Variants in DMD observed in about 807,000 individuals in gnomAD.
The protein encoded by DMD is mutant dystrophin.
A neutral mutation model predicts 330.1 loss-of-function variants in DMD; 63 were observed. That is an observed-to-expected ratio of 0.19 (90% CI 0.16 to 0.24). The LOEUF is 0.24. Among genes scored for constraint, DMD ranks in the 10% least tolerant of loss-of-function variants. The pLI, the probability that DMD is intolerant of heterozygous loss-of-function variation, is 1.00. For missense variants in DMD, 3,344 were observed against 2,684.1 expected (o/e 1.25, Z -5.43); for synonymous variants, 1,223 against 959.8 (o/e 1.27, Z -5.07).
At chrX:32,254,869 T>C (rs962404599) in intron 43 of DMD, among the ~76,000 whole-genome samples, 4 of 111,923 alleles carry the variant, frequency 3.6e-5, no homozygotes, top group Non-Finnish European at 7.5e-5. Context: ...ATTTCAACCA[T>C]TGTAAGTGTA....
In DMD at chrX:33,129,524, C is replaced by CAA. The variant is rs59729782; in HGVS notation, c.31+81756_31+81757dup. On this transcript the variant is annotated intron_variant, in intron 1 of 78. Coordinates refer to ENST00000357033, the MANE Select transcript of DMD (RefSeq NM_004006.3). ...AGCCACAATTTTACAAGGTTTCAAA[C>CAA]AAAAAAAAAAACCCACACCTTGTTT... Among the ~76,000 whole-genome samples, 800 of 101,496 alleles carry CAA rather than the reference C, an allele frequency of 7.9e-3. 8 individuals carry two copies. The highest frequency in any genetic ancestry group is 0.027 in the African/African-American group (740 of 27,625). 88.1% of individuals were successfully genotyped at this position (101,496 alleles called of 115,157 possible).
chrX:32,951,296 TG>T (rs1193742737), intron 2 of DMD, among the ~76,000 whole-genome samples: 1 of 111,703 alleles, frequency 9.0e-6, no homozygotes, highest in Non-Finnish European at 1.9e-5. Context: ...GCTTTATATT[TG>T]ACAGTTATTT....
chrX:32,615,108 A>G (rs1403374350), intron 11 of DMD, among the ~76,000 whole-genome samples: 1 of 110,838 alleles, frequency 9.0e-6, no homozygotes, highest in African/African-American at 3.3e-5. Flanking sequence ...CCAAGGGGTG[A>G]CCCCCAGCTA....
intron 52 of DMD, among the ~76,000 whole-genome samples, chrX:31,689,842 C>T (rs1173729766): frequency 1.8e-5 from 2 of 111,581 alleles, no homozygotes; most frequent in Non-Finnish European, 3.8e-5. Context: ...TGATCTTTGA[C>T]AAACCTGACA....
At chrX:33,044,390 C>T (rs1230873895) in intron 1 of DMD, among the ~76,000 whole-genome samples, 2 of 111,550 alleles carry the variant, frequency 1.8e-5, no homozygotes, top group Non-Finnish European at 1.9e-5. Flanking sequence ...TGAGATCGCA[C>T]CACTGTACTC....
chrX:32,315,514 T>TA (rs200093370), intron 41 of DMD, among the ~76,000 whole-genome samples: 1,424 of 101,627 alleles, frequency 0.014, 21 homozygotes, highest in African/African-American at 0.042. Flanking sequence ...TAAGTATAAT[T>TA]AAAAAAAAAA....
intron 9 of DMD, among the ~76,000 whole-genome samples, chrX:32,689,228 G>T (rs971752431): frequency 9.1e-6 from 1 of 109,672 alleles, no homozygotes. Flanking sequence ...AAAACCTCTA[G>T]GTTTTTGGAC....
chrX:31,456,733 T>A (rs1603067413), intron 59 of DMD, among the ~76,000 whole-genome samples: 1 of 110,359 alleles, frequency 9.1e-6, no homozygotes, highest in African/African-American at 3.3e-5. Context: ...AGAATGAAGA[T>A]GTCCACAAAA....
chrX:32,225,201 T>C (rs1222051048), intron 43 of DMD, among the ~76,000 whole-genome samples: 1 of 112,218 alleles, frequency 8.9e-6, no homozygotes, highest in Non-Finnish European at 1.9e-5. Context: ...AGAACAAATA[T>C]TTCAGGCTTT....
chrX:32,992,413 C>A lies in DMD; in HGVS notation c.93+27726G>T, dbSNP rs376188143. Reference sequence around the variant, plus strand: ...TAAAGTCTACATGCCTAATTTTAATCATTTTGATTGTATAATCAACTTCCC... The same window carrying A: ...TAAAGTCTACATGCCTAATTTTAATAATTTTGATTGTATAATCAACTTCCC... On this transcript the variant is annotated intron_variant, in intron 2 of 78. Transcript: ENST00000357033. Among the ~76,000 whole-genome samples, 16 of 111,429 alleles carry A rather than the reference C, an allele frequency of 1.4e-4. No individual in the cohort carries two copies. The East Asian group carries it at 4.0e-3, about 28-fold the overall frequency.
chrX:32,841,797 T>C (rs2080182696), intron 4 of DMD, among the ~76,000 whole-genome samples: 1 of 112,007 alleles, frequency 8.9e-6, no homozygotes, highest in Non-Finnish European at 1.9e-5. Flanking sequence ...CCAGTATTTC[T>C]TCAACAGGTC....
At chrX:32,887,499 C>T (rs1252276875) in intron 2 of DMD, among the ~76,000 whole-genome samples, 1 of 108,809 alleles carries the variant, frequency 9.2e-6, no homozygotes. Context: ...CCTGTAATCC[C>T]AGTACTTTGG....
At position 32,014,351 on chromosome X, in the gene DMD, T is replaced by C. The variant is rs1421582907; in HGVS notation, c.6439-45837A>G. Among the ~76,000 whole-genome samples the C allele has an allele frequency of 3.6e-5, 4 of 111,487 alleles. No homozygotes were observed. In the East Asian group the frequency reaches 1.1e-3, roughly 31 times the overall value. ...TAATACTTTAGGTGATATGTATGAT[T>C]GTATGATACATAATAGGTTTTTAGC... On this transcript the variant is annotated intron_variant, in intron 44 of 78. Transcript: ENST00000357033.
At position 32,610,217 on chromosome X, in the gene DMD, C is replaced by G. The variant is rs147165434; in HGVS notation, c.1482+4086G>C. Among the ~76,000 whole-genome samples the G allele has an allele frequency of 3.2e-4, 36 of 111,208 alleles. 1 individual carries two copies. In the East Asian group the frequency reaches 1.0e-2, roughly 31 times the overall value. On this transcript the variant is annotated intron_variant, in intron 12 of 78. Coordinates refer to ENST00000357033, the MANE Select transcript of DMD (RefSeq NM_004006.3). ...TGTTTACTCCCCAGAAAGACTCACT[C>G]TTGGGTGCCTCAAAGCTAAAGCAAA...
chrX:32,898,849 T>G (rs1311485386), intron 2 of DMD, among the ~76,000 whole-genome samples: 5 of 111,640 alleles, frequency 4.5e-5, no homozygotes, highest in African/African-American at 1.6e-4. Context: ...AAATAAGTCC[T>G]GCCCAACTCC....
At chrX:31,122,891 C>CT (rs2032950581) in intron 78 of DMD, among the ~76,000 whole-genome samples, 1 of 111,694 alleles carries the variant, frequency 9.0e-6, no homozygotes, top group South Asian at 3.7e-4. Flanking sequence ...TACTTTATGG[C>CT]TTGCCTTTTC....
chrX:32,278,351 T>C (rs1268638006), intron 43 of DMD, among the ~76,000 whole-genome samples: 1 of 111,306 alleles, frequency 9.0e-6, no homozygotes, highest in Non-Finnish European at 1.9e-5. Flanking sequence ...TGGGACCCGA[T>C]GGCTGCACTG....
intron 55 of DMD, among the ~76,000 whole-genome samples, chrX:31,518,508 A>G (rs2072459835): frequency 9.0e-6 from 1 of 111,490 alleles, no homozygotes; most frequent in Non-Finnish European, 1.9e-5. Flanking sequence ...CCACATATGA[A>G]AAGTCTACAA....
intron 1 of DMD, among the ~76,000 whole-genome samples, chrX:33,066,942 A>C (rs962976795): frequency 1.8e-5 from 2 of 112,019 alleles, no homozygotes; most frequent in Non-Finnish European, 3.8e-5. Flanking sequence ...TCACGGAGTA[A>C]ATTATTTTCA....
Sources: allele counts gnomAD v4.1 joint callset (sites outside exome capture counted in the v4.1 genomes callset), GRCh38; gene constraint gnomAD v4.1.1; transcripts MANE v1.5; gene names NCBI Gene and HGNC (gene_info 2026-07-23, HGNC 2026-07-21).